Variants in MPPED2 observed in about 807,000 individuals in gnomAD.
The protein encoded by MPPED2 is metallophosphoesterase domain containing 2, also known as metallophosphoesterase MPPED2.
MPPED2 carries 5 observed loss-of-function variants against 33.0 expected under a neutral mutation model. The observed-to-expected ratio is 0.15, with a 90% CI of 0.08 to 0.32. MPPED2 has a LOEUF of 0.32. MPPED2 is among the 10% of genes least tolerant of loss of function. The pLI, the probability that MPPED2 is intolerant of heterozygous loss-of-function variation, is 1.00. For synonymous variants in MPPED2, 136 were observed against 141.9 expected (o/e 0.96, Z 0.29); for missense variants, 275 against 372.1 (o/e 0.74, Z 2.15).
At chr11:30,429,894 T>C (rs1949004414) in intron 4 of MPPED2, among the ~76,000 whole-genome samples, 1 of 152,208 alleles carries the variant, frequency 6.6e-6, no homozygotes, top group Non-Finnish European at 1.5e-5. Flanking sequence ...TGCTTGTGTG[T>C]GTCTTTTTTT....
chr11:30,550,985 T>C (rs557495453), intron 2 of MPPED2, among the ~76,000 whole-genome samples: 21 of 152,238 alleles, frequency 1.4e-4, no homozygotes, highest in Non-Finnish European at 2.2e-4. Flanking sequence ...ATCATGTATA[T>C]TGGTAGAATC....
At chr11:30,567,366 T>C (rs778349239) in intron 2 of MPPED2, among the ~76,000 whole-genome samples, 1 of 152,218 alleles carries the variant, frequency 6.6e-6, no homozygotes, top group African/African-American at 2.4e-5. Flanking sequence ...TTGCACGGTT[T>C]AGGGCAAGAG....
chr11:30,501,852 A>G (rs1461775870), intron 3 of MPPED2, among the ~76,000 whole-genome samples: 1 of 152,214 alleles, frequency 6.6e-6, no homozygotes, highest in Non-Finnish European at 1.5e-5. Flanking sequence ...GACATTTAAC[A>G]TGCCACTTAT....
chr11:30,446,804 GC>G (rs570127510), intron 4 of MPPED2, among the ~76,000 whole-genome samples: 21 of 151,746 alleles, frequency 1.4e-4, no homozygotes, highest in Middle Eastern at 3.4e-3. Flanking sequence ...GACTGTCGGA[GC>G]CCCCCCCGAC....
intron 2 of MPPED2, among the ~76,000 whole-genome samples, chr11:30,553,353 C>G (rs931461156): frequency 1.1e-4 from 16 of 152,100 alleles, no homozygotes; most frequent in Admixed American, 7.9e-4. Context: ...TCACAATTAC[C>G]AAGGCTCTTT....
At chr11:30,537,439 C>T (rs1954872224) in intron 2 of MPPED2, among the ~76,000 whole-genome samples, 1 of 152,190 alleles carries the variant, frequency 6.6e-6, no homozygotes, top group Admixed American at 6.5e-5. Flanking sequence ...ACACAAGACT[C>T]CCTAAACATA....
At chr11:30,414,640 A>T (rs772328663) in intron 5 of MPPED2, among the ~76,000 whole-genome samples, 1 of 151,834 alleles carries the variant, frequency 6.6e-6, no homozygotes, top group African/African-American at 2.4e-5. Context: ...GAGCTCAATG[A>T]CATTTATTCC....
At position 30,513,866 on chromosome 11, in the gene MPPED2, A is replaced by G. The variant is rs187991137; in HGVS notation, c.311-18345T>C. On this transcript the variant is annotated intron_variant, in intron 3 of 6. Coordinates refer to ENST00000358117, the MANE Select transcript of MPPED2 (RefSeq NM_001584.3). ...AGGAAACAAGATATTGAAACAAGGA[A>G]ACAAGGCATGATATTTTAAAATGCT... 2.5e-4 allele frequency among the ~76,000 whole-genome samples: 37 copies of G among 148,200 alleles called. No individual in the cohort carries two copies. The East Asian group carries it at 7.1e-3, about 29-fold the overall frequency.
chr11:30,463,218 G>A (rs1425842396), intron 4 of MPPED2, among the ~76,000 whole-genome samples: 1 of 152,142 alleles, frequency 6.6e-6, no homozygotes, highest in Non-Finnish European at 1.5e-5. Context: ...GATAACAACT[G>A]AAGAAAATAA....
At chr11:30,395,655 C>T (rs532631799) in intron 6 of MPPED2, among the ~76,000 whole-genome samples, 1 of 152,226 alleles carries the variant, frequency 6.6e-6, no homozygotes, top group South Asian at 2.1e-4. Context: ...TTAGTTTGGC[C>T]TCTTAAAAAT....
At chr11:30,543,792 C>CTTTTTTTTTT (rs35206591) in intron 2 of MPPED2, among the ~76,000 whole-genome samples, 2 of 106,630 alleles carry the variant, frequency 1.9e-5, no homozygotes, top group Non-Finnish European at 3.9e-5. Context: ...TGGCGTTGTT[C>CTTTTTTTTTT]TTTTTTTTTT....
chr11:30,546,028 C>T (rs1329341661), intron 2 of MPPED2, among the ~76,000 whole-genome samples: 1 of 152,140 alleles, frequency 6.6e-6, no homozygotes, highest in African/African-American at 2.4e-5. Flanking sequence ...CCATGTTGGC[C>T]AGGCTGGTCT....
intron 6 of MPPED2, among the ~76,000 whole-genome samples, chr11:30,398,118 G>T (rs1432337988): frequency 1.3e-5 from 2 of 152,074 alleles, no homozygotes; most frequent in African/African-American, 4.8e-5. Context: ...TACCTCAAGG[G>T]CTATGAATTA....
chr11:30,519,481 A>C (rs1329159986), intron 3 of MPPED2, among the ~76,000 whole-genome samples: 1 of 151,908 alleles, frequency 6.6e-6, no homozygotes, highest in Non-Finnish European at 1.5e-5. Context: ...AGTAATAGTA[A>C]TAATAGTACT....
chr11:30,524,012 A>T (rs1954022456), intron 3 of MPPED2, among the ~76,000 whole-genome samples: 1 of 152,092 alleles, frequency 6.6e-6, no homozygotes, highest in African/African-American at 2.4e-5. Context: ...GCACTTTGGG[A>T]GGCTGAGGCA....
intron 2 of MPPED2, among the ~76,000 whole-genome samples, chr11:30,552,802 A>T (rs1014583300): frequency 6.6e-6 from 1 of 152,156 alleles, no homozygotes; most frequent in South Asian, 2.1e-4. Context: ...ATTTCTAGAC[A>T]CACAGCCCTA....
At chr11:30,482,555 A>G (rs1376229281) in intron 4 of MPPED2, among the ~76,000 whole-genome samples, 5 of 152,162 alleles carry the variant, frequency 3.3e-5, no homozygotes, top group Admixed American at 2.0e-4. Context: ...TTCTATATTT[A>G]ACTATTTCCC....
chr11:30,496,830 T>C (rs1432368876), intron 3 of MPPED2, among the ~76,000 whole-genome samples: 1 of 152,150 alleles, frequency 6.6e-6, no homozygotes, highest in Non-Finnish European at 1.5e-5. Flanking sequence ...ATCACAAACA[T>C]ATTTGCTAAT....
exon 7 of MPPED2, chr11:30,388,453 C>T (rs1947729583): frequency 6.5e-6 from 1 of 153,660 alleles, no homozygotes; most frequent in African/African-American, 2.4e-5. Context: ...AGAATGTTCT[C>T]TTTGTGGTTT....
Sources: gnomAD v4.1 joint callset for allele counts (sites outside exome capture counted in the v4.1 genomes callset) on GRCh38, gnomAD v4.1.1 for gene constraint, MANE v1.5 for transcripts, NCBI Gene and HGNC (gene_info 2026-07-23, HGNC 2026-07-21) for gene names.